The following LANCL1 variants were observed in gnomAD, a reference collection of about 807,000 sequenced individuals.
LANCL1 encodes glutathione S-transferase LANCL1.
Under a neutral mutation model 50.6 loss-of-function variants are expected in LANCL1, and 50 were observed. The observed-to-expected ratio is 0.99, with a 90% CI of 0.79 to 1.25. LANCL1 has a LOEUF of 1.25. Ranked by LOEUF, LANCL1 falls within the 50% of genes most tolerant of loss-of-function variation. LANCL1 has a pLI of 0.00. For missense variants in LANCL1, 532 were observed against 480.7 expected, an observed-to-expected ratio of 1.11 and a Z score of -1.00; for synonymous variants, 188 against 178.6, an observed-to-expected ratio of 1.05 and a Z score of -0.42.
chr2:210,472,628 GCA>G (rs1434546915), intron 2 of LANCL1, among the ~76,000 whole-genome samples: 2 of 152,184 alleles, frequency 1.3e-5, no homozygotes, highest in Non-Finnish European at 2.9e-5. Context: ...CCCACGTCCA[GCA>G]CAGTGTCTGG....
chr2:210,465,797 G>T (rs375002792), intron 3 of LANCL1, among the ~76,000 whole-genome samples: 1 of 152,154 alleles, frequency 6.6e-6, no homozygotes, highest in Non-Finnish European at 1.5e-5. Context: ...TCCCAGGTAC[G>T]ATGAAGAAAA....
intron 2 of LANCL1, among the ~76,000 whole-genome samples, chr2:210,472,755 A>T (rs572694586): frequency 6.6e-6 from 1 of 152,320 alleles, no homozygotes; most frequent in South Asian, 2.1e-4. Flanking sequence ...ATACCTCCAT[A>T]AAGTCAGGAT....
chr2:210,446,443 C>T (rs1479979519), intron 4 of LANCL1, among the ~76,000 whole-genome samples: 1 of 152,152 alleles, frequency 6.6e-6, no homozygotes, highest in Non-Finnish European at 1.5e-5. Context: ...CAGAATGCTG[C>T]TTCTTCTCCA....
At chr2:210,474,946 T>C (rs897910419) in intron 2 of LANCL1, among the ~76,000 whole-genome samples, 4 of 152,178 alleles carry the variant, frequency 2.6e-5, no homozygotes, top group Non-Finnish European at 5.9e-5. Context: ...CTAAGCAGAA[T>C]GCAGGCCCAA....
chr2:210,455,036 C>T, intron 4 of LANCL1, 71 bp downstream of exon 4: 1 of 1,296,872 alleles, frequency 7.7e-7, no homozygotes, highest in Non-Finnish European at 1.1e-6. Flanking sequence ...CTAGAATGTT[C>T]TTTTGTTAAC....
chr2:210,436,480 G>T, intron 7 of LANCL1, 88 bp from the exon 8 acceptor site: 1 of 1,282,256 alleles, frequency 7.8e-7, no homozygotes, highest in African/African-American at 1.5e-5. Context: ...AAGGAAAGAG[G>T]GAGATGGCTT....
intron 3 of LANCL1, among the ~76,000 whole-genome samples, chr2:210,463,991 T>G (rs756682398): frequency 5.9e-5 from 9 of 152,226 alleles, no homozygotes; most frequent in Non-Finnish European, 1.3e-4. Flanking sequence ...TTTCATACCC[T>G]CTGCTTCAAT....
At chr2:210,475,268 A>C (rs902089338) in intron 2 of LANCL1, among the ~76,000 whole-genome samples, 7 of 152,206 alleles carry the variant, frequency 4.6e-5, no homozygotes, top group Non-Finnish European at 7.3e-5. Flanking sequence ...GTTTCAAAGA[A>C]ATAAACTGGT....
chr2:210,455,485 T>C (rs1028957261), intron 3 of LANCL1, among the ~76,000 whole-genome samples, 171 bp from the exon 4 acceptor site: 3 of 152,174 alleles, frequency 2.0e-5, no homozygotes, highest in Non-Finnish European at 4.4e-5. Flanking sequence ...TAAGCAACTC[T>C]ACGAACCAGC....
chr2:210,468,404 TAG>T (rs1157702781), intron 3 of LANCL1: 1 of 151,952 alleles, frequency 6.6e-6, no homozygotes, highest in African/African-American at 2.4e-5. Flanking sequence ...GTGCAAAACA[TAG>T]AAGTCAAGAA....
chr2:210,459,466 T>C (rs1391973101), intron 3 of LANCL1, among the ~76,000 whole-genome samples: 2 of 152,142 alleles, frequency 1.3e-5, no homozygotes, highest in Non-Finnish European at 2.9e-5. Context: ...ACCATAAATG[T>C]CTACAGTAAT....
chr2:210,459,160 TAG>T (rs1693760905), intron 3 of LANCL1, among the ~76,000 whole-genome samples: 1 of 152,130 alleles, frequency 6.6e-6, no homozygotes, highest in Non-Finnish European at 1.5e-5. Context: ...TAAACTGATC[TAG>T]AGTTTAGAAT....
chr2:210,435,200 T>C (rs1205395180), intron 9 of LANCL1, among the ~76,000 whole-genome samples, 187 bp downstream of exon 9: 2 of 152,210 alleles, frequency 1.3e-5, no homozygotes, highest in African/African-American at 4.8e-5. Context: ...ACCTGATGAC[T>C]ACCAGTATTG....
rs927038896 is a variant in LANCL1 at position 210,453,027 on chromosome 2, C to G, written c.407+2080G>C. On this transcript the variant is annotated intron_variant, in intron 4 of 9. Coordinates refer to ENST00000450366, the MANE Select transcript of LANCL1 (RefSeq NM_006055.3). ...TCCTTTGAAAAGATAAAGCAAACTC[C>G]GTAACTTACAAATCATTCCAAGTCA... Among the ~76,000 whole-genome samples the G allele has an allele frequency of 2.6e-5, 4 of 152,052 alleles. No individual in the cohort carries two copies. In the South Asian group the frequency reaches 8.3e-4, roughly 32 times the overall value.
chr2:210,456,376 T>G (rs1377842358), intron 3 of LANCL1, among the ~76,000 whole-genome samples: 1 of 152,216 alleles, frequency 6.6e-6, no homozygotes, highest in East Asian at 1.9e-4. Context: ...TTTCTCATTT[T>G]GCATGGGTAA....
At chr2:210,444,170 C>A (rs1246641295) in intron 4 of LANCL1, among the ~76,000 whole-genome samples, 2 of 152,154 alleles carry the variant, frequency 1.3e-5, no homozygotes, top group Non-Finnish European at 2.9e-5. Flanking sequence ...TACTGCCAGT[C>A]TCTGGAGACC....
upstream of LANCL1, chr2:210,476,848 C>G (rs909301794): frequency 2.0e-6 from 2 of 982,240 alleles, no homozygotes; most frequent in Non-Finnish European, 2.4e-6. Context: ...AAGACACAGG[C>G]GTGTAATTTC....
chr2:210,462,051 C>CT lies in LANCL1; in HGVS notation c.200-6738dup, dbSNP rs548362896. Among the ~76,000 whole-genome samples, 16 of 152,272 alleles carry CT rather than the reference C, an allele frequency of 1.1e-4. No homozygotes were observed. The East Asian group carries it at 2.9e-3, about 28-fold the overall frequency. Reference sequence around the variant, plus strand: ...ATTTTATAAAGCACTTTAGAATGTTCTCCCCACTAGCACCTACAGTCTACC... The same window carrying CT: ...ATTTTATAAAGCACTTTAGAATGTTCTTCCCCACTAGCACCTACAGTCTACC... On this transcript the variant is annotated intron_variant, in intron 3 of 9. Transcript: ENST00000450366.
intron 4 of LANCL1, among the ~76,000 whole-genome samples, chr2:210,442,114 C>T (rs1026779595): frequency 2.6e-5 from 4 of 151,902 alleles, no homozygotes; most frequent in African/African-American, 9.7e-5. Context: ...ATGTTGGTCA[C>T]GCTGGTCTCC....
Sources: gnomAD v4.1 joint callset for allele counts (sites outside exome capture counted in the v4.1 genomes callset) on GRCh38, gnomAD v4.1.1 for gene constraint, MANE v1.5 for transcripts, NCBI Gene and HGNC (gene_info 2026-07-23, HGNC 2026-07-21) for gene names.